Variants in CFAP54 observed in about 807,000 individuals in gnomAD.
CFAP54 encodes the protein cilia- and flagella-associated protein 54.
Under a neutral mutation model 370.4 loss-of-function variants are expected in CFAP54, and 290 were observed. The ratio of observed to expected loss-of-function variants is 0.78; its 90% CI spans 0.71 to 0.86. The LOEUF is 0.86. Among genes scored for constraint, CFAP54 ranks in the 40% least tolerant of loss-of-function variants. The probability of loss-of-function intolerance (pLI) is 0.00; values close to 1 mark genes in which losing one functional copy is unlikely to be tolerated. For synonymous variants in CFAP54, 1,206 were observed against 1,236.5 expected, an observed-to-expected ratio of 0.98 and a Z score of 0.52; for missense variants, 3,399 against 3,528.7, an observed-to-expected ratio of 0.96 and a Z score of 0.93.
At position 96,549,804 on chromosome 12, in the gene CFAP54, G is replaced by A. The variant is rs139000189; in HGVS notation, c.2154+1826G>A. On this transcript the variant is annotated intron_variant, in intron 15 of 67. Transcript: ENST00000524981. ...CTGCTGTTTTTCTCTTATATCTTAC[G>A]TAAAGCACTGAATCTCAACTTAGGG... is the stretch of plus-strand genomic sequence containing the variant. 2.9e-3 allele frequency among the ~76,000 whole-genome samples: 435 copies of A among 152,190 alleles called. 4 individuals carry two copies. The highest frequency in any genetic ancestry group is 2.6e-3 in the Non-Finnish European group (178 of 68,008).
At position 96,658,342 on chromosome 12, in the gene CFAP54, A is replaced by G; in HGVS notation, c.5456A>G (p.Glu1819Gly). ...GCAAGGTATGAGGCTGAATATGGAG[A>G]GAAGGTAAGTTTAAGTTAGTTCTAT... The part of the protein sequence containing the change: ...PCARYEAEYG[E>G]KITCRNFIGK... Residue 1819 changes from glutamate (E) to glycine (G), a missense_variant, in exon 38 of 68, where the codon GAG becomes GGG. Coordinates refer to ENST00000524981, the MANE Select transcript of CFAP54 (RefSeq NM_001306084.2). 1 of 1,614,042 alleles carries G rather than the reference A, an allele frequency of 6.2e-7. No homozygotes were observed. Among genetic ancestry groups the G allele is most frequent in the East Asian group, 2.2e-5 (1 of 44,876 alleles).
Position 96,770,214 on chromosome 12 carries a change from T to TTGTG in CFAP54, c.8281+5008_8281+5011dup, listed in dbSNP as rs1299936002. On this transcript the variant is annotated intron_variant, in intron 60 of 67. Transcript: ENST00000524981. ...TGTGTGTGTGTGTGTGTGTGTGAAT[T>TTGTG]TGTGTGTGTGTGTGTTGCATCCGAG... 1.1e-4 allele frequency among the ~76,000 whole-genome samples: 15 copies of TTGTG among 136,144 alleles called. No individual in the cohort carries two copies. In the East Asian group the frequency reaches 3.1e-3, roughly 28 times the overall value. 89.3% of individuals were successfully genotyped at this position (136,144 alleles called of 152,430 possible). A position where few individuals can be genotyped will look rare whatever the true frequency, so the allele number is the denominator to read the frequency against.
intron 55 of CFAP54, among the ~76,000 whole-genome samples, chr12:96,746,610 G>A (rs1380399199): frequency 6.6e-6 from 1 of 152,088 alleles, no homozygotes; most frequent in Non-Finnish European, 1.5e-5. Flanking sequence ...TATTTCCCTA[G>A]TCTATCCTTT....
intron 50 of CFAP54, among the ~76,000 whole-genome samples, chr12:96,724,886 C>T (rs1197739907): frequency 6.6e-6 from 1 of 152,180 alleles, no homozygotes; most frequent in African/African-American, 2.4e-5. Context: ...TTTCAGCTTT[C>T]TCCATATAGC....
intron 67 of CFAP54, among the ~76,000 whole-genome samples, chr12:96,869,985 CG>C (rs1555195707): frequency 2.0e-5 from 3 of 150,668 alleles, no homozygotes; most frequent in Non-Finnish European, 4.4e-5. Flanking sequence ...ACATTTAGGC[CG>C]GGCATGGTGG....
chr12:96,709,877 C>T (rs776524524), intron 48 of CFAP54, among the ~76,000 whole-genome samples: 3 of 151,948 alleles, frequency 2.0e-5, no homozygotes, highest in Non-Finnish European at 4.4e-5. Flanking sequence ...CCTGCCACCA[C>T]GCCCAGCTAA....
chr12:96,605,864 T>G (rs997740496), intron 26 of CFAP54, among the ~76,000 whole-genome samples: 1 of 152,092 alleles, frequency 6.6e-6, no homozygotes, highest in African/African-American at 2.4e-5. Context: ...TTAGGTATGC[T>G]CTGAGCAAGA....
chr12:96,850,811 C>T (rs1026926727), intron 66 of CFAP54, among the ~76,000 whole-genome samples: 1 of 152,082 alleles, frequency 6.6e-6, no homozygotes, highest in Non-Finnish European at 1.5e-5. Context: ...AGAGAGCAAG[C>T]AGGGGAAATG....
At chr12:96,787,008 C>G in intron 62 of CFAP54, 110 bp downstream of exon 62, 1 of 851,890 alleles carries the variant, frequency 1.2e-6, no homozygotes, top group Non-Finnish European at 1.8e-6. Flanking sequence ...CTACTTCTCT[C>G]AGAGTTCTAG....
chr12:96,692,362 C>T (rs569907444), intron 44 of CFAP54, among the ~76,000 whole-genome samples: 9 of 151,724 alleles, frequency 5.9e-5, no homozygotes, highest in African/African-American at 2.2e-4. Context: ...TAGTCATATT[C>T]GTATATAATA....
chr12:96,593,592 G>A (rs7980063), intron 24 of CFAP54, among the ~76,000 whole-genome samples: 119,840 of 151,796 alleles, frequency 0.79, 47,617 homozygotes, highest in Middle Eastern at 0.83. Context: ...AAGTACTTCA[G>A]TGAATTCCAG....
At chr12:96,539,421 C>G (rs1955546631) in intron 13 of CFAP54, among the ~76,000 whole-genome samples, 1 of 151,932 alleles carries the variant, frequency 6.6e-6, no homozygotes, top group Non-Finnish European at 1.5e-5. Flanking sequence ...CACCTGTAAT[C>G]CCAGACCTTT....
In CFAP54 at chr12:96,755,744, T is replaced by G. The variant is rs185189498; in HGVS notation, c.7841-714T>G. Among the ~76,000 whole-genome samples, 9 of 148,934 alleles carry G rather than the reference T, an allele frequency of 6.0e-5. No individual in the cohort carries two copies. The East Asian group carries it at 1.6e-3, about 26-fold the overall frequency. On this transcript the variant is annotated intron_variant, in intron 56 of 67. Coordinates refer to ENST00000524981, the MANE Select transcript of CFAP54 (RefSeq NM_001306084.2). ...GTGCAGTGGTGTGATCTCGGCTCACTGCAACCTCCACCTCCCAGGTTCAAG... is the reference window on the plus strand; with the variant it reads ...GTGCAGTGGTGTGATCTCGGCTCACGGCAACCTCCACCTCCCAGGTTCAAG...
chr12:96,700,224 C>A, intron 46 of CFAP54, 131 bp downstream of exon 46: 2 of 959,340 alleles, frequency 2.1e-6, no homozygotes, highest in Non-Finnish European at 3.1e-6. Flanking sequence ...AGCCTGGTTA[C>A]AACTAACATC....
At chr12:96,576,831 T>C in intron 20 of CFAP54, 70 bp downstream of exon 20, 1 of 1,272,078 alleles carries the variant, frequency 7.9e-7, no homozygotes, top group Non-Finnish European at 1.1e-6. Flanking sequence ...CCATGATTCA[T>C]ACTTTGATTG....
At chr12:96,606,923 T>G (rs529341924) in intron 26 of CFAP54, among the ~76,000 whole-genome samples, 1 of 152,196 alleles carries the variant, frequency 6.6e-6, no homozygotes, top group Non-Finnish European at 1.5e-5. Flanking sequence ...TTTATGTGGT[T>G]CTCATAGGAC....
At chr12:96,609,948 T>G (rs1274248517) in intron 26 of CFAP54, among the ~76,000 whole-genome samples, 1 of 152,248 alleles carries the variant, frequency 6.6e-6, no homozygotes, top group East Asian at 1.9e-4. Context: ...GTCACAGAAG[T>G]GCAGATCCTT....
chr12:96,574,046 G>A (rs1955951832), intron 19 of CFAP54, among the ~76,000 whole-genome samples: 2 of 152,166 alleles, frequency 1.3e-5, no homozygotes, highest in East Asian at 1.9e-4. Context: ...AGAAAAATGA[G>A]AAGTTAATTC....
intron 1 of CFAP54, among the ~76,000 whole-genome samples, chr12:96,498,186 A>C (rs1380051297): frequency 6.6e-6 from 1 of 152,192 alleles, no homozygotes; most frequent in Non-Finnish European, 1.5e-5. Flanking sequence ...TTCTGGCAAC[A>C]AACTGATCTT....
Sources: gnomAD v4.1 joint callset for allele counts (sites outside exome capture counted in the v4.1 genomes callset) on GRCh38, gnomAD v4.1.1 for gene constraint, MANE v1.5 for transcripts, NCBI Gene and HGNC (gene_info 2026-07-23, HGNC 2026-07-21) for gene names.